CSMD2: variants seen among roughly 807,000 people sequenced by gnomAD.
CSMD2 encodes CUB and Sushi multiple domains 2.
CSMD2 carries 130 observed loss-of-function variants against 398.5 expected under a neutral mutation model. That is an observed-to-expected ratio of 0.33 (90% confidence interval 0.28 to 0.38). The LOEUF (loss-of-function observed/expected upper bound fraction) is 0.38, where lower values mean the gene tolerates loss of function less well. CSMD2 is among the 10% of genes least tolerant of loss of function. The pLI is 1.00. For synonymous variants in CSMD2, 1,828 were observed against 1,908.5 expected, an observed-to-expected ratio of 0.96 and a Z score of 1.10; for missense variants, 3,829 against 4,764.9, an observed-to-expected ratio of 0.80 and a Z score of 5.78.
chr1:33,967,688 G>A (rs929454278), intron 3 of CSMD2, among the ~76,000 whole-genome samples: 1 of 152,196 alleles, frequency 6.6e-6, no homozygotes, highest in Admixed American at 6.5e-5. Flanking sequence ...GGGCCTTCCC[G>A]ATGAGAGTAG....
rs564781730 is a variant in CSMD2, at chr1:33,726,297, T to G, written c.2507+250A>C. Among the ~76,000 whole-genome samples the G allele has an allele frequency of 9.5e-4, 145 of 152,058 alleles. 1 individual carries two copies. The highest frequency in any genetic ancestry group is 2.7e-3 in the Admixed American group (42 of 15,276). On this transcript the variant is annotated intron_variant, in intron 16 of 70. Coordinates refer to ENST00000373381, the MANE Select transcript of CSMD2 (RefSeq NM_001281956.2). Reference sequence around the variant, plus strand: ...CCTTGGGGGCTGGGGAGGGGGGAGCTCTAACATCCCAAATGGTACCCAAGC... The same window carrying G: ...CCTTGGGGGCTGGGGAGGGGGGAGCGCTAACATCCCAAATGGTACCCAAGC...
Position 33,519,877 on chromosome 1 carries a change from G to C in CSMD2, c.10671C>G (p.Ala3557=), listed in dbSNP as rs41265911. 2.5e-6 allele frequency: 4 copies of C among 1,614,014 alleles called. No individual in the cohort carries two copies. The highest frequency in any genetic ancestry group is 3.4e-6 in the Non-Finnish European group (4 of 1,180,028). ...GGGCGATGAAAGGCACCAGGATCGC[G>C]GCTGCCACTGAGCTGCTGTTGGAAG... The part of the protein sequence containing the change: ...HFASNSSSVA[A]AILVPFIALI... The change falls in exon 69 of 71, where the codon GCC becomes GCG. Residue 3557 remains alanine, a synonymous_variant. Transcript: ENST00000373381. The surrounding 1 kb of genome is among the most constrained non-coding windows in gnomAD (Gnocchi z 5.6).
chr1:34,130,206 C>T (rs1291956129), intron 1 of CSMD2, among the ~76,000 whole-genome samples: 4 of 151,928 alleles, frequency 2.6e-5, no homozygotes, highest in Non-Finnish European at 5.9e-5. Context: ...AAGTAAACAA[C>T]AGTAGATCAT....
intron 14 of CSMD2, among the ~76,000 whole-genome samples, chr1:33,739,763 C>T (rs1255674001): frequency 6.6e-6 from 1 of 152,122 alleles, no homozygotes; most frequent in East Asian, 1.9e-4. Flanking sequence ...GGGATCATTT[C>T]TGCTTGAGGT....
intron 6 of CSMD2, among the ~76,000 whole-genome samples, chr1:33,829,866 T>G (rs1659296040): frequency 6.6e-6 from 1 of 152,154 alleles, no homozygotes; most frequent in Admixed American, 6.5e-5. Flanking sequence ...ATTCCGCACC[T>G]AGCTCGGAGG....
chr1:34,054,022 A>T (rs1039750369), intron 2 of CSMD2, among the ~76,000 whole-genome samples: 6 of 152,202 alleles, frequency 3.9e-5, no homozygotes, highest in African/African-American at 1.4e-4. Context: ...AGCTGCAAAA[A>T]TGGCACAGAA....
At chr1:33,690,519 C>T (rs1212533772) in intron 25 of CSMD2, among the ~76,000 whole-genome samples, 1 of 152,168 alleles carries the variant, frequency 6.6e-6, no homozygotes, top group Non-Finnish European at 1.5e-5. Flanking sequence ...CAGCATCTGG[C>T]ACAGGCACAA....
Position 33,633,500 on chromosome 1 carries a change from G to C in CSMD2, c.5122C>G (p.Leu1708Val). 1 of 1,553,642 alleles carries C rather than the reference G, an allele frequency of 6.4e-7. No individual in the cohort carries two copies. Among genetic ancestry groups the C allele is most frequent in the Non-Finnish European group, 8.7e-7 (1 of 1,148,004 alleles). The change falls in exon 32 of 71, where the codon CTC (leucine) becomes GTC (valine). Residue 1708 changes from leucine to valine, a missense_variant. Transcript: ENST00000373381. The surrounding 1 kb of genome is among the most constrained non-coding windows in gnomAD (Gnocchi z 5.0). ...TCGTGAACCTCCACCACGTCGTTGA[G>C]GGCCGTGTGAAAGAAGGCGAACTGG... ...FGQFAFFHTA[L>V]NDVVEVHDGH...
At chr1:33,915,792 C>T (rs1054530101) in intron 5 of CSMD2, among the ~76,000 whole-genome samples, 2 of 152,304 alleles carry the variant, frequency 1.3e-5, no homozygotes, top group South Asian at 2.1e-4. Flanking sequence ...TACAGTCTTA[C>T]AAGGGAATGC....
chr1:34,135,255 C>CAG (rs1364385411), intron 1 of CSMD2, among the ~76,000 whole-genome samples: 9 of 144,968 alleles, frequency 6.2e-5, no homozygotes, highest in Non-Finnish European at 1.2e-4. Flanking sequence ...CACACACACA[C>CAG]ACACACACAC....
At chr1:33,539,866 C>T (rs890231112) in intron 60 of CSMD2, among the ~76,000 whole-genome samples, 4 of 152,286 alleles carry the variant, frequency 2.6e-5, no homozygotes, top group African/African-American at 9.6e-5. Flanking sequence ...CAGATGGAAG[C>T]AAATTTTCAG....
At chr1:34,036,439 C>G (rs1407125835) in intron 2 of CSMD2, among the ~76,000 whole-genome samples, 1 of 152,094 alleles carries the variant, frequency 6.6e-6, no homozygotes, top group Non-Finnish European at 1.5e-5. Context: ...CCATGTGATT[C>G]AATTTATATA....
chr1:34,019,197 TTTCA>T (rs1484173905), intron 3 of CSMD2, among the ~76,000 whole-genome samples: 1 of 152,198 alleles, frequency 6.6e-6, no homozygotes, highest in Non-Finnish European at 1.5e-5. Flanking sequence ...CAATGCTAGC[TTTCA>T]TTATCATCCT....
At chr1:33,868,658 C>T (rs1640213547) in intron 5 of CSMD2, among the ~76,000 whole-genome samples, 1 of 152,168 alleles carries the variant, frequency 6.6e-6, no homozygotes, top group Non-Finnish European at 1.5e-5. Context: ...ATTGCTTGAA[C>T]CCAGGAGGTG....
chr1:33,583,945 A>T, intron 46 of CSMD2, 115 bp from the exon 47 acceptor site: 1 of 833,230 alleles, frequency 1.2e-6, no homozygotes, highest in Non-Finnish European at 1.9e-6. Context: ...ATTTGAGCAC[A>T]TTCAGATAAG....
chr1:33,573,024 G>A (rs1283148357), intron 49 of CSMD2, among the ~76,000 whole-genome samples: 1 of 140,610 alleles, frequency 7.1e-6, no homozygotes, highest in Non-Finnish European at 1.6e-5. Context: ...CCAAACGAAA[G>A]AGAGAATTTT....
chr1:33,612,595 C>G (rs1474399230), intron 40 of CSMD2, among the ~76,000 whole-genome samples: 1 of 151,972 alleles, frequency 6.6e-6, no homozygotes, highest in Non-Finnish European at 1.5e-5. Flanking sequence ...CATGTTAATT[C>G]CATTTTATGA....
chr1:33,907,162 A>G (rs1190326972), intron 5 of CSMD2, among the ~76,000 whole-genome samples: 1 of 132,832 alleles, frequency 7.5e-6, no homozygotes, highest in African/African-American at 2.9e-5. Context: ...TCTGTCGCCC[A>G]GGCTGGAGTG....
intron 44 of CSMD2, chr1:33,600,107 G>A (rs761047117): frequency 3.3e-5 from 23 of 701,516 alleles, no homozygotes; most frequent in Non-Finnish European, 4.7e-5. Context: ...ACTCCAAGCC[G>A]GTAATTCTAC....
Sources: allele counts gnomAD v4.1 joint callset (sites outside exome capture counted in the v4.1 genomes callset), GRCh38; gene constraint gnomAD v4.1.1; non-coding constraint Gnocchi (gnomAD v3.1); transcripts MANE v1.5; gene names NCBI Gene and HGNC (gene_info 2026-07-23, HGNC 2026-07-21).